FARP2: variants seen among roughly 807,000 people sequenced by gnomAD.
The protein encoded by FARP2 is FERM, ARHGEF and pleckstrin domain-containing protein 2.
FARP2 carries 111 observed loss-of-function variants against 130.5 expected under a neutral mutation model. The ratio of observed to expected loss-of-function variants is 0.85; its 90% confidence interval spans 0.73 to 1.00. FARP2 has a LOEUF of 1.00. Ranked by LOEUF, FARP2 falls within the 50% of genes least tolerant of loss-of-function variation. FARP2 has a pLI of 0.00. For missense variants in FARP2, 1,385 were observed against 1,346.3 expected (o/e 1.03, Z -0.45); for synonymous variants, 504 against 516.9 (o/e 0.98, Z 0.34).
chr2:241,478,512 ACTC>A (rs2064532355), intron 19 of FARP2: 1 of 363,394 alleles, frequency 2.8e-6, no homozygotes, highest in African/African-American at 2.1e-5. Context: ...TACTTCCTGT[ACTC>A]CTTGTATCAG....
At position 241,494,022 on chromosome 2, in the gene FARP2, T is replaced by C; in HGVS notation, c.3062T>C (p.Ile1021Thr). ...CTCTCCTCCAGGTGGATGGAGGTGA[T>C]CCAGGGGGCCAGCAGCTCAGCCGGG... ...KYTFERWMEVIQGASSSAGRA... is the reference protein window; with the variant it reads ...KYTFERWMEVTQGASSSAGRA... Residue 1021 changes from isoleucine (I) to threonine (T), a missense_variant, in exon 27 of 27, where the codon ATC becomes ACC. By Grantham distance (89) the Ile-to-Thr change is moderately conservative. Coordinates refer to ENST00000264042, the MANE Select transcript of FARP2 (RefSeq NM_014808.4). This position sits in a 1 kb window ranked among gnomAD's most constrained non-coding sequence, Gnocchi z 4.9. The C allele has an allele frequency of 2.9e-6, 4 of 1,394,434 alleles. No individual in the cohort carries two copies. The highest frequency in any genetic ancestry group is 3.7e-6 in the Non-Finnish European group (4 of 1,071,618). The allele number at this position is 1,394,434 out of a possible 1,614,324, so 86.4% of individuals were successfully genotyped here.
intron 24 of FARP2, chr2:241,492,621 C>T (rs1386664420): frequency 1.0e-5 from 3 of 291,286 alleles, no homozygotes; most frequent in Non-Finnish European, 1.9e-5. Context: ...AATGTACTGT[C>T]TCTTAAGGTA....
At chr2:241,391,058 C>T (rs2061892865) in intron 2 of FARP2, among the ~76,000 whole-genome samples, 1 of 152,186 alleles carries the variant, frequency 6.6e-6, no homozygotes, top group Non-Finnish European at 1.5e-5. Context: ...GACACGTTTC[C>T]TTTTTGTGAG....
Position 241,483,502 on chromosome 2 carries a change from A to G in FARP2, c.2300A>G (p.Lys767Arg). ...IREGCLHKLTKKGLQQRMFFL... is the reference protein window; with the variant it reads ...IREGCLHKLTRKGLQQRMFFL... ...GAGGGCTGCCTTCACAAGCTCACCAAGAAGGGCCTGCAGCAGAGGATGTTT... is the reference window on the plus strand; with the variant it reads ...GAGGGCTGCCTTCACAAGCTCACCAGGAAGGGCCTGCAGCAGAGGATGTTT... The change falls in exon 20 of 27, where the codon AAG becomes AGG. Residue 767 changes from lysine to arginine, a missense_variant. Coordinates refer to ENST00000264042, the MANE Select transcript of FARP2 (RefSeq NM_014808.4). The G allele has an allele frequency of 6.2e-7, 1 of 1,614,236 alleles. No homozygotes were observed.
At chr2:241,476,092 GC>G in intron 19 of FARP2, 105 bp downstream of exon 19, 1 of 1,129,396 alleles carries the variant, frequency 8.9e-7, no homozygotes, top group Non-Finnish European at 1.3e-6. Context: ...TATAATTTTG[GC>G]CAGGCACAGT....
intron 2 of FARP2, among the ~76,000 whole-genome samples, chr2:241,375,531 CT>C (rs1374458109): frequency 6.6e-6 from 1 of 151,970 alleles, no homozygotes; most frequent in Non-Finnish European, 1.5e-5. Flanking sequence ...TTCACCTTTA[CT>C]GAGTATGAGT....
chr2:241,399,241 G>T (rs1347951981), intron 2 of FARP2, among the ~76,000 whole-genome samples: 1 of 152,090 alleles, frequency 6.6e-6, no homozygotes. Context: ...TCATTAATTG[G>T]GTTGTCTGGT....
chr2:241,439,743 C>G (rs2063334361), intron 12 of FARP2, among the ~76,000 whole-genome samples: 1 of 152,128 alleles, frequency 6.6e-6, no homozygotes, highest in African/African-American at 2.4e-5. Context: ...GGGCAGATCT[C>G]CTGAGGTCAA....
At chr2:241,458,183 C>T (rs2063914671) in intron 14 of FARP2, among the ~76,000 whole-genome samples, 1 of 152,002 alleles carries the variant, frequency 6.6e-6, no homozygotes, top group South Asian at 2.1e-4. Context: ...GACTCAGGGT[C>T]CAGGGAGTTT....
intron 1 of FARP2, among the ~76,000 whole-genome samples, chr2:241,366,125 A>ATATATATACACGTATATATATATACG (rs747717812): frequency 1.7e-3 from 111 of 67,258 alleles, no homozygotes; most frequent in Admixed American, 2.3e-3. Flanking sequence ...ATATATACGT[A>ATATATATACACGTATATATATATACG]TATATATATA....
chr2:241,479,565 C>T (rs2064563151), intron 19 of FARP2, among the ~76,000 whole-genome samples: 1 of 152,234 alleles, frequency 6.6e-6, no homozygotes, highest in Non-Finnish European at 1.5e-5. Flanking sequence ...TATGATCCTG[C>T]CTGACTCAGC....
At chr2:241,480,704 GAAGA>G (rs1303864798) in intron 19 of FARP2, among the ~76,000 whole-genome samples, 37 of 152,120 alleles carry the variant, frequency 2.4e-4, no homozygotes, top group Middle Eastern at 3.4e-3. Flanking sequence ...AAAAAGAAAG[GAAGA>G]AAGAAAGAAA....
chr2:241,476,807 C>T (rs2064481177), intron 19 of FARP2, among the ~76,000 whole-genome samples: 1 of 152,110 alleles, frequency 6.6e-6, no homozygotes, highest in Non-Finnish European at 1.5e-5. Flanking sequence ...GTTATGTAGC[C>T]ATCAATGTCG....
intron 15 of FARP2, among the ~76,000 whole-genome samples, chr2:241,463,015 G>A (rs577451813): frequency 5.1e-4 from 77 of 152,296 alleles, no homozygotes; most frequent in Middle Eastern, 3.4e-3. Flanking sequence ...TGATAATCAT[G>A]AGACTTGCTT....
chr2:241,394,970 C>A (rs1470398155), intron 2 of FARP2, among the ~76,000 whole-genome samples: 1 of 152,214 alleles, frequency 6.6e-6, no homozygotes. Flanking sequence ...TGTGGGCAGA[C>A]AGCGAGCAGC....
intron 9 of FARP2, among the ~76,000 whole-genome samples, chr2:241,433,392 G>C (rs954419178): frequency 6.6e-6 from 1 of 152,168 alleles, no homozygotes; most frequent in African/African-American, 2.4e-5. Flanking sequence ...CCATTTCTAG[G>C]AATTTATCCT....
chr2:241,449,677 C>G (rs1465882535), intron 13 of FARP2, among the ~76,000 whole-genome samples: 1 of 151,820 alleles, frequency 6.6e-6, no homozygotes, highest in African/African-American at 2.4e-5. Flanking sequence ...TGAGAAAATT[C>G]TGGAAGTAAA....
rs970175094 is a variant in FARP2, at chr2:241,482,686, C to T, written c.2263-779C>T. Among the ~76,000 whole-genome samples the T allele has an allele frequency of 3.3e-5, 5 of 152,120 alleles. No homozygotes were observed. Among genetic ancestry groups the T allele is most frequent in the Non-Finnish European group, 5.9e-5 (4 of 68,012 alleles). On this transcript the variant is annotated intron_variant, in intron 19 of 26. Transcript: ENST00000264042. This position sits in a 1 kb window ranked among gnomAD's most constrained non-coding sequence, Gnocchi z 4.6. ...TAGTGTGCTCCTCCTTCTGCCTTCA[C>T]GCAGTATGTTGGGACTGCTCATACT...
chr2:241,487,368 A>G (rs547262404), intron 21 of FARP2, among the ~76,000 whole-genome samples: 1 of 152,196 alleles, frequency 6.6e-6, no homozygotes, highest in Non-Finnish European at 1.5e-5. Context: ...GGAAAATAGT[A>G]TAGTCAAAAA....
Sources: allele counts gnomAD v4.1 joint callset (sites outside exome capture counted in the v4.1 genomes callset), GRCh38; gene constraint gnomAD v4.1.1; non-coding constraint Gnocchi (gnomAD v3.1); transcripts MANE v1.5; gene names NCBI Gene and HGNC (gene_info 2026-07-23, HGNC 2026-07-21).